Variants in RERG observed in about 807,000 individuals in gnomAD.
RERG encodes RAS like estrogen regulated growth inhibitor.
Under a neutral mutation model 23.2 loss-of-function variants are expected in RERG, and 25 were observed. That is an observed-to-expected ratio of 1.08 (90% CI 0.79 to 1.50). The LOEUF is 1.50. RERG is among the 40% of genes most tolerant of loss of function. The pLI, the probability that RERG is intolerant of heterozygous loss-of-function variation, is 0.00. For synonymous variants in RERG, 81 were observed against 89.1 expected, an observed-to-expected ratio of 0.91 and a Z score of 0.51; for missense variants, 253 against 250.1, an observed-to-expected ratio of 1.01 and a Z score of -0.08.
chr12:15,128,429 A>T (rs1863985981), intron 2 of RERG, among the ~76,000 whole-genome samples: 1 of 83,770 alleles, frequency 1.2e-5, no homozygotes. Context: ...AAATTAGCAT[A>T]CCAGGAACCA....
chr12:15,125,100 C>T (rs1863914141), intron 2 of RERG, among the ~76,000 whole-genome samples: 1 of 151,880 alleles, frequency 6.6e-6, no homozygotes, highest in Non-Finnish European at 1.5e-5. Flanking sequence ...TACATAGTTA[C>T]CTATAAGTTG....
intron 2 of RERG, among the ~76,000 whole-genome samples, chr12:15,191,651 G>T (rs1261940063): frequency 2.0e-5 from 3 of 152,038 alleles, no homozygotes; most frequent in East Asian, 1.9e-4. Flanking sequence ...TTTTACAAAG[G>T]TTCCTTGTTT....
intron 2 of RERG, among the ~76,000 whole-genome samples, chr12:15,157,837 T>G (rs118019241): frequency 3.2e-4 from 49 of 152,284 alleles, no homozygotes; most frequent in Admixed American, 7.8e-4. Context: ...TGAGAAAAGA[T>G]TACATAACTC....
At chr12:15,156,802 G>T (rs1480751697) in intron 2 of RERG, among the ~76,000 whole-genome samples, 1 of 152,224 alleles carries the variant, frequency 6.6e-6, no homozygotes, top group African/African-American at 2.4e-5. Flanking sequence ...GAAGTCAGGC[G>T]CATTTTCGTG....
chr12:15,149,219 C>T (rs1359921197), intron 2 of RERG, among the ~76,000 whole-genome samples: 1 of 152,034 alleles, frequency 6.6e-6, no homozygotes, highest in Non-Finnish European at 1.5e-5. Flanking sequence ...CTGAGAAAAA[C>T]AGGGCTGTGT....
intron 2 of RERG, among the ~76,000 whole-genome samples, chr12:15,179,223 T>C (rs2136127716): frequency 6.6e-6 from 1 of 152,292 alleles, no homozygotes; most frequent in Middle Eastern, 3.4e-3. Flanking sequence ...CTCTCTATTG[T>C]CTTTTAATTC....
At chr12:15,203,555 G>A (rs963790206) in intron 2 of RERG, among the ~76,000 whole-genome samples, 8 of 151,592 alleles carry the variant, frequency 5.3e-5, no homozygotes, top group Admixed American at 5.3e-4. Flanking sequence ...ACACAGTACT[G>A]GAAGTCCTAA....
intron 2 of RERG, among the ~76,000 whole-genome samples, chr12:15,127,459 T>A (rs1415121317): frequency 6.6e-6 from 1 of 152,218 alleles, no homozygotes; most frequent in African/African-American, 2.4e-5. Context: ...TCTGGTCGGA[T>A]GCCAGTCTGG....
At chr12:15,149,458 T>C (rs1235070209) in intron 2 of RERG, among the ~76,000 whole-genome samples, 4 of 152,100 alleles carry the variant, frequency 2.6e-5, no homozygotes, top group Non-Finnish European at 5.9e-5. Context: ...GGGAGGTGGA[T>C]GATACATGAA....
intron 2 of RERG, among the ~76,000 whole-genome samples, chr12:15,122,798 T>G (rs1340684693): frequency 2.0e-5 from 3 of 151,760 alleles, no homozygotes; most frequent in Non-Finnish European, 2.9e-5. Flanking sequence ...GTTTTTTTTT[T>G]TGTTTTTTGT....
chr12:15,150,395 C>T (rs1207309362), intron 2 of RERG, among the ~76,000 whole-genome samples: 2 of 152,040 alleles, frequency 1.3e-5, no homozygotes, highest in East Asian at 1.9e-4. Context: ...TGTAACTTGC[C>T]GTGTGATTTG....
intron 2 of RERG, among the ~76,000 whole-genome samples, chr12:15,135,865 C>T (rs972395369): frequency 3.3e-5 from 5 of 151,972 alleles, no homozygotes; most frequent in African/African-American, 9.7e-5. Flanking sequence ...AGTTTCCTTT[C>T]CCTGTAATAC....
chr12:15,133,073 C>A (rs1315771871), intron 2 of RERG, among the ~76,000 whole-genome samples: 2 of 128,292 alleles, frequency 1.6e-5, no homozygotes, highest in African/African-American at 3.0e-5. Flanking sequence ...GATGAATCTA[C>A]ATTGATACAT....
chr12:15,142,712 A>G, intron 2 of RERG, among the ~76,000 whole-genome samples: 1 of 152,172 alleles, frequency 6.6e-6, no homozygotes, highest in East Asian at 1.9e-4. Context: ...GAGGGGGGGT[A>G]GGAGAGAAGA....
chr12:15,157,623 A>G (rs1864541638), intron 2 of RERG, among the ~76,000 whole-genome samples: 1 of 152,224 alleles, frequency 6.6e-6, no homozygotes, highest in Non-Finnish European at 1.5e-5. Flanking sequence ...CAATACAAAC[A>G]TGAAAGAGAA....
chr12:15,119,925 G>A (rs1376534228), intron 3 of RERG, among the ~76,000 whole-genome samples: 2 of 152,104 alleles, frequency 1.3e-5, no homozygotes, highest in Admixed American at 6.6e-5. Context: ...GAGGAAAGAT[G>A]TTCTCTACAA....
intron 2 of RERG, among the ~76,000 whole-genome samples, chr12:15,168,620 G>A (rs1023759790): frequency 1.3e-5 from 2 of 152,312 alleles, no homozygotes; most frequent in African/African-American, 4.8e-5. Context: ...CCTGGACTGT[G>A]TCCGCAGGTT....
chr12:15,135,229 T>C (rs977214034), intron 2 of RERG, among the ~76,000 whole-genome samples: 1 of 152,188 alleles, frequency 6.6e-6, no homozygotes, highest in Non-Finnish European at 1.5e-5. Context: ...GTTCCACTTG[T>C]TCATTGTTGA....
chr12:15,174,472 T>C (rs1333887935), intron 2 of RERG, among the ~76,000 whole-genome samples: 1 of 137,600 alleles, frequency 7.3e-6, no homozygotes, highest in Non-Finnish European at 1.5e-5. Context: ...TTGGAGTTTG[T>C]TGAGTGTGTG....
Sources: allele counts gnomAD v4.1 joint callset (sites outside exome capture counted in the v4.1 genomes callset), GRCh38; gene constraint gnomAD v4.1.1; transcripts MANE v1.5; gene names NCBI Gene and HGNC (gene_info 2026-07-23, HGNC 2026-07-21).